The following RPS6KA5 variants were observed in gnomAD, a reference collection of about 807,000 sequenced individuals.
The protein encoded by RPS6KA5 is ribosomal protein S6 kinase A5, also known as ribosomal protein S6 kinase alpha-5.
A neutral mutation model predicts 85.5 loss-of-function variants in RPS6KA5; 27 were observed. The ratio of observed to expected loss-of-function variants is 0.32; its 90% CI spans 0.23 to 0.44. The LOEUF (loss-of-function observed/expected upper bound fraction) is 0.44, where lower values mean the gene tolerates loss of function less well. Among genes scored for constraint, RPS6KA5 ranks in the 20% least tolerant of loss-of-function variants. The probability of loss-of-function intolerance (pLI) is 1.00; values close to 1 mark genes in which losing one functional copy is unlikely to be tolerated. For synonymous variants in RPS6KA5, 334 were observed against 348.2 expected, an observed-to-expected ratio of 0.96 and a Z score of 0.46; for missense variants, 811 against 980.9, an observed-to-expected ratio of 0.83 and a Z score of 2.31.
chr14:90,973,412 CCAGCCTGGGCAA>C (rs1211622769), intron 3 of RPS6KA5, among the ~76,000 whole-genome samples: 1 of 151,870 alleles, frequency 6.6e-6, no homozygotes, highest in Non-Finnish European at 1.5e-5. Context: ...TCACTGCGCT[CCAGCCTGGGCAA>C]CAGAGCGAGA....
chr14:90,920,140 A>G, intron 7 of RPS6KA5, 66 bp downstream of exon 7: 1 of 1,017,532 alleles, frequency 9.8e-7, no homozygotes, highest in Non-Finnish European at 1.6e-6. Flanking sequence ...ACATCAGCCT[A>G]ACCGCAGAAA....
At position 90,947,472 on chromosome 14, in the gene RPS6KA5, A is replaced by G; in HGVS notation, c.473T>C (p.Val158Ala). ...TTCGAGGGCAAGCACAATCTCTCCA[A>G]CATAAATCTGCACCTCATGCTCTGT... ...RFTEHEVQIY[V>A]GEIVLALEHL... The change falls in exon 4 of 17, where the codon GTT (valine) becomes GCT (alanine). Residue 158 changes from valine to alanine, a missense_variant. Val to Ala is a moderately conservative substitution (Grantham distance 64). Transcript: ENST00000614987. The G allele has an allele frequency of 6.2e-7, 1 of 1,612,542 alleles. No homozygotes were observed.
At position 90,871,869 on chromosome 14, in the gene RPS6KA5, G is replaced by T; in HGVS notation, c.*205C>A. ...TGGCATCATGCTAGGTTGCTAAAAAGAGTAATATGTGCTCTATTCACAGTA... is the reference window on the plus strand; with the variant it reads ...TGGCATCATGCTAGGTTGCTAAAAATAGTAATATGTGCTCTATTCACAGTA... On this transcript the variant is annotated 3_prime_UTR_variant, in exon 17 of 17. Coordinates refer to ENST00000614987, the MANE Select transcript of RPS6KA5 (RefSeq NM_004755.4). 1.8e-6 allele frequency: 1 copy of T among 554,828 alleles called. No individual in the cohort carries two copies. Among genetic ancestry groups the T allele is most frequent in the East Asian group, 3.1e-5 (1 of 31,966 alleles). The allele number at this position is 554,828 out of a possible 1,614,324, so 34.4% of individuals were successfully genotyped here.
chr14:91,030,735 A>C (rs2139837439), intron 1 of RPS6KA5, among the ~76,000 whole-genome samples: 1 of 151,970 alleles, frequency 6.6e-6, no homozygotes, highest in South Asian at 2.1e-4. Flanking sequence ...TTCAACCATA[A>C]AATAGAAAAA....
chr14:90,865,782 A>G lies in RPS6KA5; in HGVS notation c.*6292T>C, dbSNP rs1005930881. On this transcript the variant is annotated 3_prime_UTR_variant, in exon 17 of 17. Transcript: ENST00000614987. ...CTTCCTAGAGAAAAATAAGCACTTT[A>G]TGAAGCTTATAAGTTCCTTTATGTA... 1 of 152,122 alleles carries G rather than the reference A, an allele frequency of 6.6e-6. No homozygotes were observed. Among genetic ancestry groups the G allele is most frequent in the Admixed American group, 6.5e-5 (1 of 15,274 alleles). The allele number at this position is 152,122 out of a possible 1,614,324, so 9.4% of individuals were successfully genotyped here.
chr14:90,931,454 G>T (rs2036971801), intron 5 of RPS6KA5, among the ~76,000 whole-genome samples: 1 of 152,062 alleles, frequency 6.6e-6, no homozygotes, highest in Non-Finnish European at 1.5e-5. Context: ...ATAACAAAAT[G>T]AGTATTATTA....
intron 1 of RPS6KA5, among the ~76,000 whole-genome samples, chr14:91,055,551 G>A (rs530040344): frequency 4.4e-4 from 67 of 152,220 alleles, no homozygotes; most frequent in African/African-American, 1.5e-3. Flanking sequence ...AGGCCCAGGT[G>A]GGATGATCTC....
At chr14:90,968,961 T>G (rs926019831) in intron 3 of RPS6KA5, among the ~76,000 whole-genome samples, 1 of 152,244 alleles carries the variant, frequency 6.6e-6, no homozygotes, top group African/African-American at 2.4e-5. Context: ...TTCATTTCAA[T>G]GACACATAAT....
intron 16 of RPS6KA5, 108 bp downstream of exon 16, chr14:90,873,524 T>C: frequency 4.9e-6 from 5 of 1,026,920 alleles, no homozygotes; most frequent in Admixed American, 2.6e-5. Flanking sequence ...AGGACACATA[T>C]TATTTTAAAT....
intron 5 of RPS6KA5, among the ~76,000 whole-genome samples, chr14:90,933,850 C>A (rs545211499): frequency 3.6e-4 from 55 of 152,298 alleles, no homozygotes; most frequent in African/African-American, 1.3e-3. Context: ...CGGCCTCTAA[C>A]CCTCACTCAT....
At position 90,866,007 on chromosome 14, in the gene RPS6KA5, T is replaced by C. The variant is rs544818190; in HGVS notation, c.*6067A>G. 7.2e-4 allele frequency: 109 copies of C among 152,344 alleles called. No individual in the cohort carries two copies. Among genetic ancestry groups the C allele is most frequent in the African/African-American group, 2.4e-3 (101 of 41,576 alleles). The allele number at this position is 152,344 out of a possible 1,614,324, so 9.4% of individuals were successfully genotyped here. A position where few individuals can be genotyped will look rare whatever the true frequency, so the allele number is the denominator to read the frequency against. On this transcript the variant is annotated 3_prime_UTR_variant, in exon 17 of 17. Coordinates refer to ENST00000614987, the MANE Select transcript of RPS6KA5 (RefSeq NM_004755.4). ...TTTCCCAGCTCTGTCCCAATCAAGT[T>C]CTTATTTCTCTGAACGGAATTACAA...
chr14:90,906,050 G>T (rs916342023), intron 8 of RPS6KA5, 99 bp downstream of exon 8: 6 of 1,168,904 alleles, frequency 5.1e-6, no homozygotes, highest in Non-Finnish European at 7.1e-6. Flanking sequence ...AGTGGAAAAT[G>T]ATCCCAAAGG....
At chr14:90,895,987 A>G (rs1204553798) in intron 12 of RPS6KA5, among the ~76,000 whole-genome samples, 5 of 152,254 alleles carry the variant, frequency 3.3e-5, no homozygotes, top group African/African-American at 4.8e-5. Flanking sequence ...GCTATGCATT[A>G]TAAGGCCAAC....
At chr14:90,940,002 G>C (rs1351623290) in intron 5 of RPS6KA5, among the ~76,000 whole-genome samples, 5 of 152,162 alleles carry the variant, frequency 3.3e-5, no homozygotes, top group Non-Finnish European at 5.9e-5. Flanking sequence ...GGTCTAGATA[G>C]AGAAACTTCC....
intron 11 of RPS6KA5, 56 bp downstream of exon 11, chr14:90,900,052 A>T: frequency 1.5e-6 from 2 of 1,365,266 alleles, no homozygotes; most frequent in East Asian, 2.5e-5. Context: ...AATATCTTTT[A>T]ATTTACAGAA....
At chr14:91,018,177 A>G (rs937421778) in intron 1 of RPS6KA5, among the ~76,000 whole-genome samples, 3 of 152,220 alleles carry the variant, frequency 2.0e-5, no homozygotes, top group African/African-American at 7.2e-5. Context: ...CAGAATGAGT[A>G]ATGGAAGGAG....
Position 90,852,724 on chromosome 14 carries a change from AACTT to A in RPS6KA5, c.*19346_*19349del, listed in dbSNP as rs1247996467. On this transcript the variant is annotated 3_prime_UTR_variant, in exon 17 of 17. Transcript: ENST00000614987. ...ATTCCAGTTAGCCTTTGCTGGGAGA[AACTT>A]TTTTTTTTTTTTTTTTTTTGAGACA... is the stretch of plus-strand genomic sequence containing the variant. 2.3e-5 allele frequency: 3 copies of A among 131,024 alleles called. No homozygotes were observed. Among genetic ancestry groups the A allele is most frequent in the Non-Finnish European group, 4.6e-5 (3 of 64,874 alleles). The allele number at this position is 131,024 out of a possible 1,614,324, so 8.1% of individuals were successfully genotyped here.
At position 90,847,878 on chromosome 14, in the gene RPS6KA5, G is replaced by A. The variant is rs2031796691; in HGVS notation, c.*24196C>T. 6.6e-6 allele frequency: 1 copy of A among 152,198 alleles called. No homozygotes were observed. Among genetic ancestry groups the A allele is most frequent in the Non-Finnish European group, 1.5e-5 (1 of 68,048 alleles). 9.4% of individuals were successfully genotyped at this position (152,198 alleles called of 1,614,324 possible). A position where few individuals can be genotyped will look rare whatever the true frequency, so the allele number is the denominator to read the frequency against. ...GTCAGATATCAGGCATTTGTACATT[G>A]ACAGGTTTATTCTTAAAGCTTGAAC... On this transcript the variant is annotated 3_prime_UTR_variant, in exon 17 of 17. Transcript: ENST00000614987.
At chr14:90,890,430 G>T in intron 14 of RPS6KA5, 57 bp downstream of exon 14, 1 of 1,439,892 alleles carries the variant, frequency 6.9e-7, no homozygotes, top group East Asian at 2.3e-5. Context: ...AGTGAGATAA[G>T]GAGAGAGGAC....
Sources: gnomAD v4.1 joint callset for allele counts (sites outside exome capture counted in the v4.1 genomes callset) on GRCh38, gnomAD v4.1.1 for gene constraint, MANE v1.5 for transcripts, NCBI Gene and HGNC (gene_info 2026-07-23, HGNC 2026-07-21) for gene names.